PHACTR2: variants seen among roughly 807,000 people sequenced by gnomAD.
PHACTR2 encodes phosphatase and actin regulator 2.
In PHACTR2, 30 loss-of-function variants were observed where a neutral mutation model predicts 76.0. The ratio of observed to expected loss-of-function variants is 0.39; its 90% confidence interval spans 0.30 to 0.54. The LOEUF (loss-of-function observed/expected upper bound fraction) is 0.54. Among genes scored for constraint, PHACTR2 ranks in the 20% least tolerant of loss-of-function variants. PHACTR2 has a pLI of 0.61. For missense variants in PHACTR2, 696 were observed against 781.1 expected (o/e 0.89, Z 1.30); for synonymous variants, 292 against 292.5 (o/e 1.00, Z 0.02).
intron 11 of PHACTR2, among the ~76,000 whole-genome samples, chr6:143,799,234 C>T (rs1027143632): frequency 6.6e-6 from 1 of 151,940 alleles, no homozygotes; most frequent in Non-Finnish European, 1.5e-5. Flanking sequence ...TGGTGATATC[C>T]CCTTTATCAT....
chr6:143,580,398 T>C lies in PHACTR2; in HGVS notation c.217+43191T>C, dbSNP rs897925679. Among the ~76,000 whole-genome samples the C allele has an allele frequency of 6.6e-6, 1 of 152,218 alleles. No individual in the cohort carries two copies. Among genetic ancestry groups the C allele is most frequent in the Non-Finnish European group, 1.5e-5 (1 of 68,022 alleles). On this transcript the variant is annotated intron_variant, in intron 1 of 11. Coordinates refer to the PHACTR2 transcript ENST00000367584. The surrounding 1 kb of genome is among the most constrained non-coding windows in gnomAD (Gnocchi z 4.2). ...TACTCTGGAGGCTGAGGCAGGAGAA[T>C]GGCGTGAACCCAGGAGGCGGGGCTT...
At position 143,819,954 on chromosome 6, in the gene PHACTR2, G is replaced by T. The variant is rs923724189; in HGVS notation, c.1923-3720G>T. On this transcript the variant is annotated intron_variant, in intron 12 of 12. Coordinates refer to ENST00000440869, the MANE Select transcript of PHACTR2 (RefSeq NM_001100164.2). The surrounding 1 kb of genome is among the most constrained non-coding windows in gnomAD (Gnocchi z 5.0). Reference sequence around the variant, plus strand: ...GAAGCATAGCAGCATCTGCTTCTGGGGAGGCCTCAGAAAGCCTCCAATCAC... The same window carrying T: ...GAAGCATAGCAGCATCTGCTTCTGGTGAGGCCTCAGAAAGCCTCCAATCAC... Among the ~76,000 whole-genome samples, 1 of 152,156 alleles carries T rather than the reference G, an allele frequency of 6.6e-6. No individual in the cohort carries two copies. Among genetic ancestry groups the T allele is most frequent in the African/African-American group, 2.4e-5 (1 of 41,426 alleles).
At chr6:143,768,578 C>T (rs1043324806) in intron 6 of PHACTR2, among the ~76,000 whole-genome samples, 2 of 152,276 alleles carry the variant, frequency 1.3e-5, no homozygotes, top group African/African-American at 4.8e-5. Flanking sequence ...TGACTCTATC[C>T]CGTTCATTTC....
chr6:143,573,219 C>T (rs1582679431), intron 1 of PHACTR2, among the ~76,000 whole-genome samples: 1 of 152,146 alleles, frequency 6.6e-6, no homozygotes, highest in Admixed American at 6.5e-5. Flanking sequence ...ACCTCTAACC[C>T]ACATTATCAA....
At position 143,663,403 on chromosome 6, in the gene PHACTR2, T is replaced by C. The variant is rs1468561368; in HGVS notation, c.14-48613T>C. 6.8e-6 allele frequency among the ~76,000 whole-genome samples: 1 copy of C among 146,834 alleles called. No homozygotes were observed. The highest frequency in any genetic ancestry group is 1.5e-5 in the Non-Finnish European group (1 of 68,000). ...GAATCACTTCTCTTGATTTTAAGAT[T>C]CTGTTTCATTGGTGCCCTTGTTTTT... is the stretch of plus-strand genomic sequence containing the variant. On this transcript the variant is annotated intron_variant, in intron 1 of 11. Transcript: ENST00000305766. The surrounding 1 kb of genome is among the most constrained non-coding windows in gnomAD (Gnocchi z 4.1).
intron 2 of PHACTR2, among the ~76,000 whole-genome samples, chr6:143,748,770 A>G (rs537664833): frequency 6.6e-6 from 1 of 152,328 alleles, no homozygotes; most frequent in South Asian, 2.1e-4. Context: ...AAGACCAGGG[A>G]TGGCGGTTGG....
At chr6:143,727,818 T>C (rs1337365623) in intron 2 of PHACTR2, among the ~76,000 whole-genome samples, 1 of 152,234 alleles carries the variant, frequency 6.6e-6, no homozygotes, top group Non-Finnish European at 1.5e-5. Flanking sequence ...GTTGTTGAGT[T>C]ATTTGAGTTC....
rs538368676 is a variant in PHACTR2 at position 143,743,764 on chromosome 6, A to G, written c.215-5221A>G. Among the ~76,000 whole-genome samples the G allele has an allele frequency of 5.9e-5, 9 of 152,322 alleles. No individual in the cohort carries two copies. In the East Asian group the frequency reaches 1.7e-3, roughly 29 times the overall value. ...CCATTCAGTACTCAGAACTGAGAAG[A>G]TAGCATGGCACGCTTATTTAATAGT... On this transcript the variant is annotated intron_variant, in intron 2 of 12. Coordinates refer to ENST00000440869, the MANE Select transcript of PHACTR2 (RefSeq NM_001100164.2). This position sits in a 1 kb window ranked among gnomAD's most constrained non-coding sequence, Gnocchi z 5.0.
At chr6:143,799,379 A>G (rs1312130361) in intron 11 of PHACTR2, among the ~76,000 whole-genome samples, 1 of 152,002 alleles carries the variant, frequency 6.6e-6, no homozygotes, top group Non-Finnish European at 1.5e-5. Context: ...TTGTGTCTCT[A>G]TCTTCTTCAG....
chr6:143,643,872 CT>C (rs1776608776), intron 1 of PHACTR2, among the ~76,000 whole-genome samples: 1 of 152,150 alleles, frequency 6.6e-6, no homozygotes, highest in African/African-American at 2.4e-5. Context: ...AGTAATCTAA[CT>C]TTTTTCTCCT....
intron 1 of PHACTR2, among the ~76,000 whole-genome samples, chr6:143,609,872 G>T (rs1775949751): frequency 6.6e-6 from 1 of 152,026 alleles, no homozygotes; most frequent in South Asian, 2.1e-4. Flanking sequence ...TTCTTTTTTG[G>T]GTAACTAGAG....
chr6:143,783,222 A>G lies in PHACTR2; in HGVS notation c.1649A>G (p.Lys550Arg). The change falls in exon 10 of 13, where the codon AAG (lysine) becomes AGG (arginine). Residue 550 changes from lysine (K) to arginine (R), a missense_variant. By Grantham distance (26) the Lys-to-Arg change is conservative. This residue lies in a region of PHACTR2 where 236 missense variants were observed against 330.2 expected (regional missense o/e 0.71). Coordinates refer to ENST00000440869, the MANE Select transcript of PHACTR2 (RefSeq NM_001100164.2). This position sits in a 1 kb window ranked among gnomAD's most constrained non-coding sequence, Gnocchi z 5.2. Reference sequence around the variant, plus strand: ...ACTTTCCTCCTTTAATAAACAGAAAAGAATGAAGAAGAGGAACAAGAAGCA... The same window carrying G: ...ACTTTCCTCCTTTAATAAACAGAAAGGAATGAAGAAGAGGAACAAGAAGCA... ...ELEQRNILKQKNEEEEQEAKM... is the reference protein window; with the variant it reads ...ELEQRNILKQRNEEEEQEAKM... 6.2e-7 allele frequency: 1 copy of G among 1,601,254 alleles called. No individual in the cohort carries two copies.
Position 143,537,209 on chromosome 6 carries a change from T to C in PHACTR2, c.217+2T>C. On this transcript the variant is annotated splice_donor_variant, in intron 1 of 11. Coordinates refer to the PHACTR2 transcript ENST00000367584. LOFTEE classifies it high-confidence loss of function. This position sits in a 1 kb window ranked among gnomAD's most constrained non-coding sequence, Gnocchi z 4.4. ...TCCGGGTCCACATCTCCGGCTCAGGTAAGAGCGGCTCGGGGCGCGGGCCGG... is the reference window on the plus strand; with the variant it reads ...TCCGGGTCCACATCTCCGGCTCAGGCAAGAGCGGCTCGGGGCGCGGGCCGG... 3.9e-6 allele frequency: 1 copy of C among 255,952 alleles called. No homozygotes were observed. The highest frequency in any genetic ancestry group is 7.7e-6 in the Non-Finnish European group (1 of 130,392). 15.9% of individuals were successfully genotyped at this position (255,952 alleles called of 1,614,324 possible).
intron 2 of PHACTR2, among the ~76,000 whole-genome samples, chr6:143,720,702 C>T (rs1778420179): frequency 6.6e-6 from 1 of 152,132 alleles, no homozygotes; most frequent in African/African-American, 2.4e-5. Flanking sequence ...GGCTTGACCG[C>T]CTGGGCTCAA....
intron 2 of PHACTR2, among the ~76,000 whole-genome samples, chr6:143,737,789 G>A (rs941351831): frequency 5.3e-5 from 8 of 152,194 alleles, no homozygotes; most frequent in African/African-American, 1.9e-4. Flanking sequence ...GGAATCAGGT[G>A]TAGTTTATCT....
Position 143,580,299 on chromosome 6 carries a change from C to A in PHACTR2, c.217+43092C>A, listed in dbSNP as rs1172646712. ...AGGAAATCGAGACCATCTTGGCCAACACGGTGAAACCCCGTCTCTACTAAA... is the reference window on the plus strand; with the variant it reads ...AGGAAATCGAGACCATCTTGGCCAAAACGGTGAAACCCCGTCTCTACTAAA... On this transcript the variant is annotated intron_variant, in intron 1 of 11. Transcript: ENST00000367584. This position sits in a 1 kb window ranked among gnomAD's most constrained non-coding sequence, Gnocchi z 4.2. 6.6e-6 allele frequency among the ~76,000 whole-genome samples: 1 copy of A among 152,100 alleles called. No homozygotes were observed. The highest frequency in any genetic ancestry group is 1.5e-5 in the Non-Finnish European group (1 of 68,016).
intron 1 of PHACTR2, among the ~76,000 whole-genome samples, chr6:143,555,507 G>A (rs1300749467): frequency 6.6e-6 from 1 of 152,012 alleles, no homozygotes; most frequent in African/African-American, 2.4e-5. Context: ...CTGTTGAAAA[G>A]TTCTGTGGGA....
chr6:143,618,256 AACACACACACAC>A lies in PHACTR2; in HGVS notation c.13+9953_13+9964del, dbSNP rs66800720. Among the ~76,000 whole-genome samples, 2 of 145,216 alleles carry A rather than the reference AACACACACACAC, an allele frequency of 1.4e-5. No homozygotes were observed. The highest frequency in any genetic ancestry group is 3.0e-5 in the Non-Finnish European group (2 of 66,186). On this transcript the variant is annotated intron_variant, in intron 1 of 11. Coordinates refer to the PHACTR2 transcript ENST00000305766. This position sits in a 1 kb window ranked among gnomAD's most constrained non-coding sequence, Gnocchi z 5.2. ...GTTCCACCTTGTACTTCCTGCTCCAAACACACACACACACACACACACACACACACGCACACT... is the reference window on the plus strand; with the variant it reads ...GTTCCACCTTGTACTTCCTGCTCCAAACACACACACACACACACGCACACT...
chr6:143,613,973 A>G (rs1776021568), intron 1 of PHACTR2, among the ~76,000 whole-genome samples: 1 of 152,234 alleles, frequency 6.6e-6, no homozygotes, highest in South Asian at 2.1e-4. Flanking sequence ...CTGTGATCTC[A>G]GCACTTGGGG....
Sources: gnomAD v4.1 joint callset for allele counts (sites outside exome capture counted in the v4.1 genomes callset) on GRCh38, gnomAD v4.1.1 for gene constraint, gnomAD v4.1.1 regional missense constraint, Gnocchi (gnomAD v3.1) non-coding constraint, MANE v1.5 for transcripts, NCBI Gene and HGNC (gene_info 2026-07-23, HGNC 2026-07-21) for gene names.